FERMT2: variants seen among roughly 807,000 people sequenced by gnomAD.
The protein encoded by FERMT2 is FERM domain containing kindlin 2.
FERMT2 carries 15 observed loss-of-function variants against 82.7 expected under a neutral mutation model. The observed-to-expected ratio is 0.18, with a 90% CI of 0.12 to 0.28. FERMT2 has a LOEUF of 0.28. FERMT2 is among the 10% of genes least tolerant of loss of function. FERMT2 has a pLI of 1.00. For missense variants in FERMT2, 645 were observed against 809.4 expected (o/e 0.80, Z 2.46); for synonymous variants, 274 against 271.5 (o/e 1.01, Z -0.09).
At chr14:52,903,524 C>CA (rs1323146233) in intron 3 of FERMT2, among the ~76,000 whole-genome samples, 7 of 150,038 alleles carry the variant, frequency 4.7e-5, no homozygotes, top group Non-Finnish European at 8.9e-5. Context: ...GGCAACAGAG[C>CA]AAGACCCTGT....
Position 52,858,014 on chromosome 14 carries a change from CA to C in FERMT2, c.*362del, listed in dbSNP as rs2140037414. ...CATACATTAAATCACATGCATTAGACATGATAAATAGAGTTCATATAGGTTA... is the reference window on the plus strand; with the variant it reads ...CATACATTAAATCACATGCATTAGACTGATAAATAGAGTTCATATAGGTTA... On this transcript the variant is annotated 3_prime_UTR_variant, in exon 15 of 15. Coordinates refer to ENST00000341590, the MANE Select transcript of FERMT2 (RefSeq NM_006832.3). 1 of 180,604 alleles carries C rather than the reference CA, an allele frequency of 5.5e-6. No individual in the cohort carries two copies. Among genetic ancestry groups the C allele is most frequent in the East Asian group, 1.4e-4 (1 of 7,304 alleles). 11.2% of individuals were successfully genotyped at this position (180,604 alleles called of 1,614,324 possible).
intron 2 of FERMT2, among the ~76,000 whole-genome samples, chr14:52,949,850 T>C (rs561106247): frequency 1.9e-4 from 29 of 152,338 alleles, no homozygotes; most frequent in African/African-American, 7.0e-4. Flanking sequence ...ATACCAAGTT[T>C]GTCAAGCACT....
chr14:52,926,424 ACACACACAC>A (rs1889278991), intron 2 of FERMT2, among the ~76,000 whole-genome samples: 1 of 105,886 alleles, frequency 9.4e-6, no homozygotes, highest in Admixed American at 8.6e-5. Context: ...ACACACACAC[ACACACACAC>A]ACACACACAC....
At chr14:52,861,959 G>A (rs1884968555) in intron 12 of FERMT2, 1 of 152,174 alleles carries the variant, frequency 6.6e-6, no homozygotes, top group South Asian at 2.1e-4. Context: ...TGAGCACTAT[G>A]TCCAGTGTGA....
chr14:52,868,394 G>C (rs1885419191), intron 10 of FERMT2, among the ~76,000 whole-genome samples: 1 of 151,924 alleles, frequency 6.6e-6, no homozygotes, highest in Non-Finnish European at 1.5e-5. Flanking sequence ...TTAAGTTATA[G>C]AACACCCTTA....
At chr14:52,873,271 C>A (rs1885742062) in intron 9 of FERMT2, among the ~76,000 whole-genome samples, 1 of 152,172 alleles carries the variant, frequency 6.6e-6, no homozygotes. Context: ...TTGGAAAATT[C>A]CTAGATCCTG....
At chr14:52,885,793 T>C (rs1886566598) in intron 4 of FERMT2, among the ~76,000 whole-genome samples, 1 of 152,126 alleles carries the variant, frequency 6.6e-6, no homozygotes, top group Non-Finnish European at 1.5e-5. Flanking sequence ...TTTTAAAAAA[T>C]TTTCACCAAA....
At position 52,878,699 on chromosome 14, in the gene FERMT2, G is replaced by A; in HGVS notation, c.856-10C>T. 2.2e-6 allele frequency: 3 copies of A among 1,384,542 alleles called. No individual in the cohort carries two copies. The highest frequency in any genetic ancestry group is 3.0e-6 in the Non-Finnish European group (3 of 994,198). The allele number at this position is 1,384,542 out of a possible 1,614,324, so 85.8% of individuals were successfully genotyped here. A position where few individuals can be genotyped will look rare whatever the true frequency, so the allele number is the denominator to read the frequency against. On this transcript the variant is annotated splice_polypyrimidine_tract_variant and intron_variant, in intron 6 of 14. Transcript: ENST00000341590. Reference sequence around the variant, plus strand: ...TTCTGATTGCATCATACTGCAACAAGAGAAATAGTTCTTTTGTAATATATA... The same window carrying A: ...TTCTGATTGCATCATACTGCAACAAAAGAAATAGTTCTTTTGTAATATATA...
At chr14:52,880,956 C>T in intron 6 of FERMT2, 80 bp downstream of exon 6, 1 of 864,764 alleles carries the variant, frequency 1.2e-6, no homozygotes, top group Non-Finnish European at 1.8e-6. Context: ...CCTTATTCCA[C>T]CGACTTCCAA....
chr14:52,928,019 C>A, intron 2 of FERMT2: 1 of 385,150 alleles, frequency 2.6e-6, no homozygotes, highest in South Asian at 1.9e-5. Context: ...AAATAACTTA[C>A]TTTTTCTTAC....
At chr14:52,887,498 G>A (rs746406828) in intron 4 of FERMT2, among the ~76,000 whole-genome samples, 111 of 151,774 alleles carry the variant, frequency 7.3e-4, no homozygotes, top group Admixed American at 1.3e-3. Flanking sequence ...AAAAAAGAAA[G>A]AAAAAATTTA....
intron 8 of FERMT2, 37 bp downstream of exon 8, chr14:52,875,186 A>G: frequency 6.4e-7 from 1 of 1,573,968 alleles, no homozygotes; most frequent in South Asian, 1.2e-5. Flanking sequence ...CATCAATTCA[A>G]GCTAAATTAG....
chr14:52,910,244 A>C (rs1396766126), intron 3 of FERMT2, among the ~76,000 whole-genome samples: 1 of 152,170 alleles, frequency 6.6e-6, no homozygotes, highest in Non-Finnish European at 1.5e-5. Context: ...GTGCTTCTCC[A>C]TCCCTATCAA....
intron 6 of FERMT2, among the ~76,000 whole-genome samples, chr14:52,879,948 G>C (rs866282705): frequency 6.6e-6 from 1 of 152,170 alleles, no homozygotes; most frequent in Non-Finnish European, 1.5e-5. Flanking sequence ...GTCTGTTACA[G>C]AGGAAAAAAA....
chr14:52,858,962 T>A (rs1884736505), intron 14 of FERMT2: 2 of 163,422 alleles, frequency 1.2e-5, no homozygotes, highest in Non-Finnish European at 2.7e-5. Context: ...TTCTTTGAAG[T>A]AATAGGAATT....
chr14:52,868,638 C>T (rs1885433052), intron 10 of FERMT2, among the ~76,000 whole-genome samples: 1 of 152,140 alleles, frequency 6.6e-6, no homozygotes, highest in Non-Finnish European at 1.5e-5. Context: ...CAGTCTAACA[C>T]TCTCATTTCT....
At chr14:52,946,595 A>G (rs572267155) in intron 2 of FERMT2, among the ~76,000 whole-genome samples, 11 of 152,330 alleles carry the variant, frequency 7.2e-5, no homozygotes, top group Non-Finnish European at 1.5e-4. Context: ...TGAGGATGCA[A>G]AGAGCCATGA....
chr14:52,941,738 A>G (rs765835203), intron 2 of FERMT2, among the ~76,000 whole-genome samples: 20 of 152,342 alleles, frequency 1.3e-4, no homozygotes, highest in Non-Finnish European at 2.6e-4. Flanking sequence ...TACTTTCATT[A>G]GTTTCTAAAT....
At chr14:52,883,791 GTA>G (rs942732534) in intron 4 of FERMT2, among the ~76,000 whole-genome samples, 7 of 152,154 alleles carry the variant, frequency 4.6e-5, no homozygotes, top group Middle Eastern at 3.2e-3. Context: ...GCTTGGTACT[GTA>G]TAGTCAGTGA....
Sources: allele counts gnomAD v4.1 joint callset (sites outside exome capture counted in the v4.1 genomes callset), GRCh38; gene constraint gnomAD v4.1.1; transcripts MANE v1.5; gene names NCBI Gene and HGNC (gene_info 2026-07-23, HGNC 2026-07-21).